NSMCE2: variants seen among roughly 807,000 people sequenced by gnomAD.
NSMCE2 encodes E3 SUMO-protein ligase NSE2.
A neutral mutation model predicts 23.8 loss-of-function variants in NSMCE2; 24 were observed. That is an observed-to-expected ratio of 1.01 (90% CI 0.73 to 1.42). NSMCE2 has a LOEUF of 1.42. NSMCE2 is among the 40% of genes most tolerant of loss of function. The pLI, the probability that NSMCE2 is intolerant of heterozygous loss-of-function variation, is 0.00. For synonymous variants in NSMCE2, 92 were observed against 94.1 expected (o/e 0.98, Z 0.13); for missense variants, 284 against 296.5 (o/e 0.96, Z 0.31).
intron 5 of NSMCE2, among the ~76,000 whole-genome samples, chr8:125,327,965 C>G (rs1829737354): frequency 6.6e-6 from 1 of 152,116 alleles, no homozygotes; most frequent in Non-Finnish European, 1.5e-5. Context: ...AGCTCCTCCT[C>G]AATAAAAGAT....
At chr8:125,232,318 G>A (rs959541879) in intron 5 of NSMCE2, among the ~76,000 whole-genome samples, 2 of 151,918 alleles carry the variant, frequency 1.3e-5, no homozygotes, top group Admixed American at 6.6e-5. Flanking sequence ...AGCCGAGATC[G>A]TGCCATTGCA....
At chr8:125,154,921 A>G (rs1440616447) in intron 4 of NSMCE2, among the ~76,000 whole-genome samples, 4 of 152,236 alleles carry the variant, frequency 2.6e-5, no homozygotes, top group Non-Finnish European at 5.9e-5. Flanking sequence ...TTGAAGAGAC[A>G]CTATTGGCTG....
chr8:125,265,585 G>T (rs1826877517), intron 5 of NSMCE2, among the ~76,000 whole-genome samples: 1 of 152,058 alleles, frequency 6.6e-6, no homozygotes, highest in Non-Finnish European at 1.5e-5. Flanking sequence ...TCAGTTTTTT[G>T]TTTTTTGTAC....
At chr8:125,115,705 T>A (rs1046615918) in intron 3 of NSMCE2, among the ~76,000 whole-genome samples, 16 of 152,146 alleles carry the variant, frequency 1.1e-4, no homozygotes, top group African/African-American at 3.9e-4. Flanking sequence ...GAGCCAAGAT[T>A]GACAGAGCGA....
chr8:125,357,139 C>G, intron 5 of NSMCE2, 80 bp from the exon 6 acceptor site: 3 of 917,474 alleles, frequency 3.3e-6, no homozygotes, highest in Non-Finnish European at 5.2e-6. Flanking sequence ...CCCAGAAACT[C>G]TTCACCTCCC....
intron 3 of NSMCE2, among the ~76,000 whole-genome samples, chr8:125,146,287 T>C (rs1820671280): frequency 6.6e-6 from 1 of 152,208 alleles, no homozygotes; most frequent in Non-Finnish European, 1.5e-5. Flanking sequence ...TGTACAGACT[T>C]GGCAGTTAGA....
chr8:125,098,543 A>G (rs1818042234), intron 1 of NSMCE2, among the ~76,000 whole-genome samples: 1 of 152,156 alleles, frequency 6.6e-6, no homozygotes, highest in Non-Finnish European at 1.5e-5. Flanking sequence ...GAGACCAGGT[A>G]GGAGACTGTT....
chr8:125,366,605 G>C (rs1286553044), intron 7 of NSMCE2, among the ~76,000 whole-genome samples, 163 bp from the exon 8 acceptor site: 1 of 152,220 alleles, frequency 6.6e-6, no homozygotes, highest in Non-Finnish European at 1.5e-5. Context: ...ACAGGGCCTG[G>C]CTCAGGTAGG....
Position 125,345,100 on chromosome 8 carries a change from T to C in NSMCE2, c.419-12119T>C, listed in dbSNP as rs1169602364. 2.0e-5 allele frequency among the ~76,000 whole-genome samples: 3 copies of C among 151,778 alleles called. No individual in the cohort carries two copies. In the East Asian group the frequency reaches 5.8e-4, roughly 29 times the overall value. On this transcript the variant is annotated intron_variant, in intron 5 of 7. Coordinates refer to ENST00000287437, the MANE Select transcript of NSMCE2 (RefSeq NM_173685.4). ...GTACTTCTGTACTTTTCTGGGGACATAGATGGTTTCTGGCCAGGGAATAGA... is the reference window on the plus strand; with the variant it reads ...GTACTTCTGTACTTTTCTGGGGACACAGATGGTTTCTGGCCAGGGAATAGA...
chr8:125,110,689 T>C (rs535830253), intron 3 of NSMCE2, among the ~76,000 whole-genome samples: 2 of 152,214 alleles, frequency 1.3e-5, no homozygotes, highest in Non-Finnish European at 2.9e-5. Flanking sequence ...AAAAATGTAT[T>C]GTGCCAGCGT....
chr8:125,332,274 TAGAAAA>T (rs1829908442), intron 5 of NSMCE2, among the ~76,000 whole-genome samples: 1 of 152,258 alleles, frequency 6.6e-6, no homozygotes, highest in African/African-American at 2.4e-5. Flanking sequence ...CATAGATTCT[TAGAAAA>T]TTGGCAGATT....
At chr8:125,366,104 C>G (rs1231148072) in intron 7 of NSMCE2, among the ~76,000 whole-genome samples, 1 of 152,060 alleles carries the variant, frequency 6.6e-6, no homozygotes, top group East Asian at 1.9e-4. Context: ...TGAGGCATGC[C>G]CTGAGTCCAG....
intron 5 of NSMCE2, among the ~76,000 whole-genome samples, chr8:125,207,664 C>T (rs540335792): frequency 1.4e-4 from 21 of 152,278 alleles, no homozygotes; most frequent in African/African-American, 5.1e-4. Context: ...ATTTATTTGG[C>T]TCGTGACTAT....
intron 5 of NSMCE2, among the ~76,000 whole-genome samples, chr8:125,202,540 T>A (rs1458279745): frequency 6.6e-6 from 1 of 152,232 alleles, no homozygotes; most frequent in Non-Finnish European, 1.5e-5. Context: ...TGAAATTATA[T>A]TTTTATGCAA....
intron 5 of NSMCE2, among the ~76,000 whole-genome samples, chr8:125,257,265 C>T (rs1335445984): frequency 6.9e-6 from 1 of 145,754 alleles, no homozygotes; most frequent in Non-Finnish European, 1.5e-5. Flanking sequence ...ACCTAGGCGA[C>T]AGAGCAAGGC....
intron 5 of NSMCE2, among the ~76,000 whole-genome samples, chr8:125,196,648 G>T (rs999791461): frequency 6.6e-5 from 10 of 152,192 alleles, no homozygotes; most frequent in Non-Finnish European, 1.2e-4. Context: ...TGTGAATAGT[G>T]CCACAGTAAA....
At chr8:125,206,346 G>T (rs954473047) in intron 5 of NSMCE2, among the ~76,000 whole-genome samples, 15 of 152,202 alleles carry the variant, frequency 9.9e-5, no homozygotes, top group Non-Finnish European at 1.8e-4. Context: ...AAGTAATGGG[G>T]AGGGTTACAG....
At position 125,324,714 on chromosome 8, in the gene NSMCE2, A is replaced by G. The variant is rs1429805536; in HGVS notation, c.419-32505A>G. On this transcript the variant is annotated intron_variant, in intron 5 of 7. Coordinates refer to ENST00000287437, the MANE Select transcript of NSMCE2 (RefSeq NM_173685.4). ...CTCAGCCTCCCGAGTAGCTGGGACT[A>G]CAGGCGCCCGCCACTACGCCCGGCT... Among the ~76,000 whole-genome samples the G allele has an allele frequency of 1.9e-5, 2 of 102,968 alleles. 1 individual carries two copies. Among genetic ancestry groups the G allele is most frequent in the Non-Finnish European group, 4.6e-5 (2 of 43,024 alleles). 67.6% of individuals were successfully genotyped at this position (102,968 alleles called of 152,430 possible). A position where few individuals can be genotyped will look rare whatever the true frequency, so the allele number is the denominator to read the frequency against.
chr8:125,316,616 T>TTC (rs1829192674), intron 5 of NSMCE2, among the ~76,000 whole-genome samples: 1 of 120,956 alleles, frequency 8.3e-6, no homozygotes, highest in African/African-American at 2.5e-5. Context: ...TTCCTTTCTT[T>TTC]ATTTCCTTCT....
Sources: gnomAD v4.1 joint callset for allele counts (sites outside exome capture counted in the v4.1 genomes callset) on GRCh38, gnomAD v4.1.1 for gene constraint, MANE v1.5 for transcripts, NCBI Gene and HGNC (gene_info 2026-07-23, HGNC 2026-07-21) for gene names.